The following GRIK1 variants were observed in gnomAD, a reference collection of about 807,000 sequenced individuals.
GRIK1 encodes glutamate ionotropic receptor kainate type subunit 1, also known as glutamate receptor ionotropic, kainate 1.
GRIK1 carries 69 observed loss-of-function variants against 105.7 expected under a neutral mutation model. The observed-to-expected ratio is 0.65, with a 90% confidence interval of 0.54 to 0.80. The LOEUF is 0.80. Ranked by LOEUF, GRIK1 falls within the 30% of genes least tolerant of loss-of-function variation. The pLI, the probability that GRIK1 is intolerant of heterozygous loss-of-function variation, is 0.00. For missense variants in GRIK1, 1,109 were observed against 1,167.3 expected, an observed-to-expected ratio of 0.95 and a Z score of 0.73; for synonymous variants, 438 against 431.3, an observed-to-expected ratio of 1.02 and a Z score of -0.19.
intron 7 of GRIK1, among the ~76,000 whole-genome samples, chr21:29,605,379 C>T (rs980098457): frequency 6.6e-6 from 1 of 152,172 alleles, no homozygotes; most frequent in Non-Finnish European, 1.5e-5. Context: ...ATCCATGTCC[C>T]TGCAAAGGAC....
chr21:29,665,232 C>A (rs886909442), intron 4 of GRIK1, among the ~76,000 whole-genome samples: 9 of 152,124 alleles, frequency 5.9e-5, no homozygotes, highest in South Asian at 2.1e-4. Flanking sequence ...ATTGCACACA[C>A]CTTTAGTAAA....
In GRIK1 at chr21:29,577,161, C is replaced by T; in HGVS notation, c.1933G>A (p.Ala645Thr). 1 of 1,603,950 alleles carries T rather than the reference C, an allele frequency of 6.2e-7. No individual in the cohort carries two copies. Among genetic ancestry groups the T allele is most frequent in the Non-Finnish European group, 8.5e-7 (1 of 1,170,808 alleles). Residue 645 changes from alanine (A) to threonine (T), a missense_variant, in exon 14 of 18, where the codon GCT becomes ACT. Physicochemically the swap from Ala to Thr is moderately conservative, Grantham distance 58. Coordinates refer to ENST00000327783, the MANE Select transcript of GRIK1 (RefSeq NM_001330994.2). ...CCTCCAACTATTCTGGTCGATAGAG[C>T]TTTGGGCATCAGCTCTGATCCTGTG... ...MQQGSELMPK[A>T]LSTRIVGGIW...
chr21:29,790,627 AT>A (rs1393523769), intron 1 of GRIK1, among the ~76,000 whole-genome samples: 1 of 151,582 alleles, frequency 6.6e-6, no homozygotes, highest in South Asian at 2.1e-4. Flanking sequence ...GTATTTTTGT[AT>A]TTTTTGTAGA....
chr21:29,841,630 A>C (rs961172782), intron 1 of GRIK1, among the ~76,000 whole-genome samples: 21 of 152,186 alleles, frequency 1.4e-4, no homozygotes, highest in Non-Finnish European at 2.8e-4. Context: ...AAGTTAAGCC[A>C]AAATATGTTA....
At chr21:29,590,050 T>C (rs1377781884) in intron 10 of GRIK1, among the ~76,000 whole-genome samples, 1 of 152,222 alleles carries the variant, frequency 6.6e-6, no homozygotes, top group Non-Finnish European at 1.5e-5. Context: ...CTACCATGCA[T>C]CTATAACCTT....
chr21:29,734,345 A>ACTTTTCTTTC (rs2064715142), intron 1 of GRIK1, among the ~76,000 whole-genome samples: 1 of 135,186 alleles, frequency 7.4e-6, no homozygotes, highest in African/African-American at 3.3e-5. Flanking sequence ...GGATCATAGC[A>ACTTTTCTTTC]CTTTTCTTTT....
At chr21:29,933,553 C>G (rs2146366842) in intron 1 of GRIK1, among the ~76,000 whole-genome samples, 1 of 152,222 alleles carries the variant, frequency 6.6e-6, no homozygotes, top group South Asian at 2.1e-4. Flanking sequence ...AGAACATTTC[C>G]CCATGCTTAC....
At chr21:29,752,336 A>G (rs1054319865) in intron 1 of GRIK1, among the ~76,000 whole-genome samples, 1 of 152,218 alleles carries the variant, frequency 6.6e-6, no homozygotes, top group Non-Finnish European at 1.5e-5. Context: ...TAATTTAACT[A>G]TAAGAACAAG....
chr21:29,882,953 C>A (rs574549468), intron 1 of GRIK1, among the ~76,000 whole-genome samples: 1 of 151,996 alleles, frequency 6.6e-6, no homozygotes, highest in African/African-American at 2.4e-5. Context: ...ATTACTTTTT[C>A]TTTCCAACCA....
rs1325514493 is a variant in GRIK1, at chr21:29,577,051, G to A, written c.2043C>T (p.Ser681=). ...CCAGATCATCTGCCGAATCTATGGGGGATTCCATTCTCTCTACTGTCAAGA... is the reference window on the plus strand; with the variant it reads ...CCAGATCATCTGCCGAATCTATGGGAGATTCCATTCTCTCTACTGTCAAGA... The part of the protein sequence containing the change: ...AAFLTVERME[S]PIDSADDLAK... The change falls in exon 14 of 18, where the codon TCC becomes TCT. Residue 681 remains serine, a synonymous_variant. Transcript: ENST00000327783. 7 of 1,613,316 alleles carry A rather than the reference G, an allele frequency of 4.3e-6. No homozygotes were observed. The highest frequency in any genetic ancestry group is 3.3e-4 in the Middle Eastern group (2 of 6,058).
chr21:29,590,208 A>G (rs1392586951), intron 10 of GRIK1, among the ~76,000 whole-genome samples: 1 of 152,236 alleles, frequency 6.6e-6, no homozygotes, highest in Non-Finnish European at 1.5e-5. Context: ...GTGTTTTCAT[A>G]AGACAGTCAT....
chr21:29,688,049 G>A (rs974637276), intron 3 of GRIK1, among the ~76,000 whole-genome samples: 78 of 152,296 alleles, frequency 5.1e-4, no homozygotes, highest in African/African-American at 1.7e-3. Flanking sequence ...TTTAAAACAT[G>A]ATATTCTTTT....
chr21:29,581,961 G>T (rs898025880), intron 12 of GRIK1, among the ~76,000 whole-genome samples: 3 of 152,152 alleles, frequency 2.0e-5, no homozygotes, highest in African/African-American at 7.2e-5. Context: ...TGTGTCGTTA[G>T]GTCCTGTGGG....
At chr21:29,909,361 T>A (rs1199645856) in intron 1 of GRIK1, among the ~76,000 whole-genome samples, 1 of 151,982 alleles carries the variant, frequency 6.6e-6, no homozygotes, top group Non-Finnish European at 1.5e-5. Flanking sequence ...TTTATAGTAG[T>A]TAATGCAAGC....
At chr21:29,778,757 A>T (rs2066012105) in intron 1 of GRIK1, among the ~76,000 whole-genome samples, 1 of 152,214 alleles carries the variant, frequency 6.6e-6, no homozygotes, top group African/African-American at 2.4e-5. Flanking sequence ...TGAATAAGTT[A>T]TTCTGAAACA....
intron 1 of GRIK1, among the ~76,000 whole-genome samples, chr21:29,849,426 T>C (rs1003584028): frequency 7.2e-5 from 11 of 152,318 alleles, no homozygotes; most frequent in East Asian, 5.8e-4. Context: ...CATCCATCAA[T>C]AGGGGAAAAG....
intron 1 of GRIK1, among the ~76,000 whole-genome samples, chr21:29,900,802 C>G (rs2070374905): frequency 6.6e-6 from 1 of 152,194 alleles, no homozygotes; most frequent in South Asian, 2.1e-4. Flanking sequence ...TAGACATCTA[C>G]AGAACCCTCT....
At chr21:29,652,947 T>C (rs772684224) in intron 5 of GRIK1, among the ~76,000 whole-genome samples, 6 of 152,230 alleles carry the variant, frequency 3.9e-5, no homozygotes, top group Non-Finnish European at 5.9e-5. Flanking sequence ...AGTAGAACTG[T>C]AAGAGCACAG....
At chr21:29,555,572 A>G (rs2090231300) in intron 15 of GRIK1, among the ~76,000 whole-genome samples, 1 of 152,166 alleles carries the variant, frequency 6.6e-6, no homozygotes, top group African/African-American at 2.4e-5. Flanking sequence ...ATTCTATGAC[A>G]TGTCTTTGTT....
Sources: allele counts gnomAD v4.1 joint callset (sites outside exome capture counted in the v4.1 genomes callset), GRCh38; gene constraint gnomAD v4.1.1; transcripts MANE v1.5; gene names NCBI Gene and HGNC (gene_info 2026-07-23, HGNC 2026-07-21).